ZNF710: variants seen among roughly 807,000 people sequenced by gnomAD.
ZNF710 encodes the protein zinc finger protein 710.
Under a neutral mutation model 50.6 loss-of-function variants are expected in ZNF710, and 13 were observed. That is an observed-to-expected ratio of 0.26 (90% CI 0.17 to 0.41). ZNF710 has a LOEUF of 0.41. Ranked by LOEUF, ZNF710 falls within the 10% of genes least tolerant of loss-of-function variation. The pLI, the probability that ZNF710 is intolerant of heterozygous loss-of-function variation, is 1.00. For synonymous variants in ZNF710, 383 were observed against 397.0 expected (o/e 0.96, Z 0.42); for missense variants, 721 against 936.6 (o/e 0.77, Z 3.01).
upstream of ZNF710, among the ~76,000 whole-genome samples, chr15:89,998,784 A>G (rs1897963490): frequency 1.3e-5 from 2 of 152,232 alleles, no homozygotes; most frequent in Non-Finnish European, 2.9e-5. Flanking sequence ...TGACTTGCCC[A>G]GGAATATGCA....
At chr15:90,022,077 G>A (rs1198738202) in intron 1 of ZNF710, among the ~76,000 whole-genome samples, 1 of 151,804 alleles carries the variant, frequency 6.6e-6, no homozygotes, top group African/African-American at 2.4e-5. Flanking sequence ...GCGAGACTCT[G>A]TCTCAAAAAA....
intron 1 of ZNF710, among the ~76,000 whole-genome samples, chr15:90,060,322 G>A (rs1899968182): frequency 6.6e-6 from 1 of 152,232 alleles, no homozygotes; most frequent in Non-Finnish European, 1.5e-5. Flanking sequence ...GGAGGCCAAG[G>A]TGAGAAGATC....
At chr15:90,039,326 G>C (rs1899230308) in intron 1 of ZNF710, among the ~76,000 whole-genome samples, 1 of 151,958 alleles carries the variant, frequency 6.6e-6, no homozygotes, top group Non-Finnish European at 1.5e-5. Context: ...TTCACCTGAT[G>C]ATTTCACTGG....
chr15:90,027,313 C>T (rs1289479871), intron 1 of ZNF710, among the ~76,000 whole-genome samples: 5 of 151,930 alleles, frequency 3.3e-5, no homozygotes, highest in Admixed American at 6.6e-5. Flanking sequence ...TGGGTTCAAG[C>T]GATTCTCCTG....
intron 1 of ZNF710, among the ~76,000 whole-genome samples, chr15:90,053,316 A>ATGGT (rs1555458166): frequency 6.6e-6 from 1 of 150,910 alleles, no homozygotes; most frequent in Non-Finnish European, 1.5e-5. Context: ...GGGGTGGTGA[A>ATGGT]TGGTTGGGTT....
chr15:90,018,654 C>T (rs1250251898), intron 1 of ZNF710, among the ~76,000 whole-genome samples: 1 of 152,166 alleles, frequency 6.6e-6, no homozygotes, highest in Non-Finnish European at 1.5e-5. Flanking sequence ...TTGGCCCCTG[C>T]CTGCCCCTCA....
chr15:90,000,340 A>T (rs1232608043), upstream of ZNF710, among the ~76,000 whole-genome samples: 1 of 151,862 alleles, frequency 6.6e-6, no homozygotes, highest in African/African-American at 2.4e-5. Flanking sequence ...TGGAGGTTGG[A>T]GGCCTGGTGT....
rs1203105619 is a variant in ZNF710 at position 90,059,586 on chromosome 15, C to T, written c.-28-7524C>T. Among the ~76,000 whole-genome samples, 4 of 152,236 alleles carry T rather than the reference C, an allele frequency of 2.6e-5. No homozygotes were observed. The highest frequency in any genetic ancestry group is 9.6e-5 in the African/African-American group (4 of 41,550). ...GTCCACAGAGAAAGGGGAAGCAAGG[C>T]AGAGACAGGATCGCAGGAGGAAGAG... On this transcript the variant is annotated intron_variant, in intron 1 of 4. Coordinates refer to ENST00000268154, the MANE Select transcript of ZNF710 (RefSeq NM_198526.4). This position sits in a 1 kb window ranked among gnomAD's most constrained non-coding sequence, Gnocchi z 4.1.
chr15:90,066,033 C>T (rs555483492), intron 1 of ZNF710, among the ~76,000 whole-genome samples: 12 of 152,226 alleles, frequency 7.9e-5, no homozygotes, highest in South Asian at 2.1e-4. Context: ...CAAATCAGAT[C>T]GGACATGGAA....
chr15:90,011,903 T>C (rs1898314735), intron 1 of ZNF710, among the ~76,000 whole-genome samples: 1 of 152,208 alleles, frequency 6.6e-6, no homozygotes, highest in Non-Finnish European at 1.5e-5. Flanking sequence ...CAGGCTTTCA[T>C]TGTTGATATT....
intron 1 of ZNF710, among the ~76,000 whole-genome samples, chr15:90,050,692 T>C (rs1899612564): frequency 6.6e-6 from 1 of 151,934 alleles, no homozygotes; most frequent in Non-Finnish European, 1.5e-5. Flanking sequence ...AGTCTGACCC[T>C]GCGGCCCATG....
At chr15:90,066,426 A>G (rs944636482) in intron 1 of ZNF710, among the ~76,000 whole-genome samples, 1 of 151,908 alleles carries the variant, frequency 6.6e-6, no homozygotes, top group Admixed American at 6.6e-5. Flanking sequence ...ATCAGTTTTT[A>G]AATAGTGGAA....
Position 90,062,066 on chromosome 15 carries a change from G to C in ZNF710, c.-28-5044G>C, listed in dbSNP as rs536699889. On this transcript the variant is annotated intron_variant, in intron 1 of 4. Coordinates refer to ENST00000268154, the MANE Select transcript of ZNF710 (RefSeq NM_198526.4). The surrounding 1 kb of genome is among the most constrained non-coding windows in gnomAD (Gnocchi z 5.6). ...TGGAGGTGCCGAGCCCTGGGAAATA[G>C]GGCAGTCCTGGGCTTCCGGTGTCAC... Among the ~76,000 whole-genome samples the C allele has an allele frequency of 1.3e-5, 2 of 152,040 alleles. No individual in the cohort carries two copies. Among genetic ancestry groups the C allele is most frequent in the Admixed American group, 1.3e-4 (2 of 15,286 alleles).
chr15:90,019,187 C>CTTTTTCTTT (rs1898539482), intron 1 of ZNF710, among the ~76,000 whole-genome samples: 2 of 89,388 alleles, frequency 2.2e-5, no homozygotes, highest in African/African-American at 8.9e-5. Context: ...CTTTTTCTTT[C>CTTTTTCTTT]TTTTTTTTTT....
chr15:90,060,033 C>T (rs957255791), intron 1 of ZNF710, among the ~76,000 whole-genome samples: 1 of 152,172 alleles, frequency 6.6e-6, no homozygotes, highest in Non-Finnish European at 1.5e-5. Flanking sequence ...GAGCCCCCTC[C>T]CCGCTCTTGC....
At position 90,062,220 on chromosome 15, in the gene ZNF710, TTC is replaced by T. The variant is rs57400649; in HGVS notation, c.-28-4874_-28-4873del. Among the ~76,000 whole-genome samples the T allele has an allele frequency of 1.5e-4, 21 of 144,354 alleles. No individual in the cohort carries two copies. The highest frequency in any genetic ancestry group is 4.2e-4 in the East Asian group (2 of 4,750). The allele number at this position is 144,354 out of a possible 152,430, so 94.7% of individuals were successfully genotyped here. On this transcript the variant is annotated intron_variant, in intron 1 of 4. Coordinates refer to ENST00000268154, the MANE Select transcript of ZNF710 (RefSeq NM_198526.4). This position sits in a 1 kb window ranked among gnomAD's most constrained non-coding sequence, Gnocchi z 5.6. ...CTTCATTTCTTCTCTCCCTCTCCCT[TTC>T]TCTCTCTCTCTCTCTGATATGTCCT...
intron 1 of ZNF710, among the ~76,000 whole-genome samples, chr15:90,030,354 G>GAAAGAAT (rs1233298094): frequency 3.9e-5 from 3 of 76,426 alleles, no homozygotes; most frequent in Admixed American, 3.4e-4. Flanking sequence ...AAAAAAAAAA[G>GAAAGAAT]AAAGAATTAG....
At chr15:90,063,803 C>T (rs909622819) in intron 1 of ZNF710, among the ~76,000 whole-genome samples, 1 of 152,136 alleles carries the variant, frequency 6.6e-6, no homozygotes, top group South Asian at 2.1e-4. Flanking sequence ...TAACTGTTTC[C>T]TTATGCCCGC....
At chr15:90,004,835 A>G (rs754464832) in intron 1 of ZNF710, among the ~76,000 whole-genome samples, 10 of 152,330 alleles carry the variant, frequency 6.6e-5, no homozygotes, top group Non-Finnish European at 1.2e-4. Flanking sequence ...GGAGCGCCTC[A>G]TTTTCCAGAT....
Sources: gnomAD v4.1 joint callset for allele counts (sites outside exome capture counted in the v4.1 genomes callset) on GRCh38, gnomAD v4.1.1 for gene constraint, Gnocchi (gnomAD v3.1) non-coding constraint, MANE v1.5 for transcripts, NCBI Gene and HGNC (gene_info 2026-07-23, HGNC 2026-07-21) for gene names.